RPS6KC1: variants seen among roughly 807,000 people sequenced by gnomAD.
The protein encoded by RPS6KC1 is inactive ribosomal protein S6 kinase delta-1.
A neutral mutation model predicts 103.8 loss-of-function variants in RPS6KC1; 54 were observed. That is an observed-to-expected ratio of 0.52 (90% CI 0.42 to 0.65). The LOEUF (loss-of-function observed/expected upper bound fraction) is 0.65. Ranked by LOEUF, RPS6KC1 falls within the 30% of genes least tolerant of loss-of-function variation. The pLI, the probability that RPS6KC1 is intolerant of heterozygous loss-of-function variation, is 0.00. For synonymous variants in RPS6KC1, 439 were observed against 438.7 expected (o/e 1.00, Z -0.01); for missense variants, 1,151 against 1,253.8 (o/e 0.92, Z 1.24).
chr1:213,823,039 GC>G, the RPS6KC1 span, among the ~76,000 whole-genome samples: 5 of 152,030 alleles, frequency 3.3e-5, no homozygotes, highest in African/African-American at 9.7e-5. Context: ...TATTTCCCAG[GC>G]CCTGCCCGTG....
intron 8 of RPS6KC1, among the ~76,000 whole-genome samples, chr1:213,213,354 C>T (rs529599569): frequency 1.4e-4 from 22 of 152,226 alleles, no homozygotes; most frequent in Non-Finnish European, 2.6e-4. Flanking sequence ...CTGTCAAAAG[C>T]GAGTTGAGTA....
chr1:213,060,165 A>G (rs116795583), intron 1 of RPS6KC1, among the ~76,000 whole-genome samples: 3,365 of 152,346 alleles, frequency 0.022, 120 homozygotes, highest in African/African-American at 0.077. Context: ...TTGAAGTAAT[A>G]TGTAGTCATA....
At chr1:213,806,963 A>C in the RPS6KC1 span, among the ~76,000 whole-genome samples, 1 of 151,438 alleles carries the variant, frequency 6.6e-6, no homozygotes, top group Non-Finnish European at 1.5e-5. Context: ...GAGCTCTTTT[A>C]GGGCAGGCCT....
intron 13 of RPS6KC1, 106 bp from the exon 14 acceptor site, chr1:213,262,615 G>T (rs759990735): frequency 4.1e-5 from 32 of 773,794 alleles, no homozygotes; most frequent in Non-Finnish European, 6.0e-5. Context: ...TACACTTCCA[G>T]TTAAAATGGT....
the RPS6KC1 span, among the ~76,000 whole-genome samples, chr1:213,800,991 C>A: frequency 6.6e-6 from 1 of 152,210 alleles, no homozygotes; most frequent in Non-Finnish European, 1.5e-5. Context: ...TTGGCTTTCA[C>A]TGCATGCTGC....
At chr1:213,491,984 A>G in the RPS6KC1 span, among the ~76,000 whole-genome samples, 5 of 152,138 alleles carry the variant, frequency 3.3e-5, no homozygotes, top group Non-Finnish European at 7.3e-5. Flanking sequence ...CCAGCCTGCC[A>G]CCGCTGAACT....
intron 8 of RPS6KC1, among the ~76,000 whole-genome samples, chr1:213,180,345 G>C (rs74351461): frequency 0.011 from 1,723 of 152,324 alleles, 24 homozygotes; most frequent in African/African-American, 0.039. Flanking sequence ...AGTTAGGGAA[G>C]AGACTTGCAT....
Position 213,094,505 on chromosome 1 carries a change from A to T in RPS6KC1, c.263-9949A>T, listed in dbSNP as rs376966893. 2.3e-4 allele frequency among the ~76,000 whole-genome samples: 35 copies of T among 152,110 alleles called. No homozygotes were observed. The East Asian group carries it at 4.6e-3, about 20-fold the overall frequency. ...ACATTTTTAAAGAACGTAGAACAGT[A>T]GTTTTGCCAGTTTCACAAGCTATAT... On this transcript the variant is annotated intron_variant, in intron 3 of 14. Transcript: ENST00000366960.
chr1:213,564,378 G>A, the RPS6KC1 span, among the ~76,000 whole-genome samples: 4 of 152,154 alleles, frequency 2.6e-5, no homozygotes, highest in Non-Finnish European at 4.4e-5. Flanking sequence ...CTTGACAGAT[G>A]GCTTAGTGTT....
chr1:213,842,186 C>T, the RPS6KC1 span: 1 of 152,498 alleles, frequency 6.6e-6, no homozygotes, highest in African/African-American at 2.4e-5. Context: ...GTGTATCACA[C>T]TCTGCCTTGT....
At position 213,167,439 on chromosome 1, in the gene RPS6KC1, AACACACACACACACACACACACACAC is replaced by A. The variant is rs199762137; in HGVS notation, c.836-393_836-368del. ...TTTTTAGAAAAAAACCAAGGTTGAA[AACACACACACACACACACACACACAC>A]ACACACACACACACACACACACACA... On this transcript the variant is annotated intron_variant, in intron 6 of 14. Transcript: ENST00000366960. Among the ~76,000 whole-genome samples, 8 of 75,990 alleles carry A rather than the reference AACACACACACACACACACACACACAC, an allele frequency of 1.1e-4. No homozygotes were observed. The East Asian group carries it at 1.4e-3, about 13-fold the overall frequency. The allele number at this position is 75,990 out of a possible 152,430, so 49.9% of individuals were successfully genotyped here.
intron 7 of RPS6KC1, among the ~76,000 whole-genome samples, chr1:213,173,775 T>C (rs2091658230): frequency 6.6e-6 from 1 of 152,266 alleles, no homozygotes; most frequent in Admixed American, 6.5e-5. Context: ...CTTCTTGAGG[T>C]TAGACTGAGC....
the RPS6KC1 span, among the ~76,000 whole-genome samples, chr1:213,600,265 C>T: frequency 0.012 from 1,826 of 152,182 alleles, 30 homozygotes; most frequent in African/African-American, 0.032. Context: ...AATCTGAAAA[C>T]GGACGAATAC....
At chr1:213,341,405 A>T in the RPS6KC1 span, among the ~76,000 whole-genome samples, 2 of 152,212 alleles carry the variant, frequency 1.3e-5, no homozygotes, top group Non-Finnish European at 2.9e-5. Flanking sequence ...GGCAACAGGT[A>T]GTTAATGAAA....
the RPS6KC1 span, among the ~76,000 whole-genome samples, chr1:213,411,828 A>G: frequency 6.6e-6 from 1 of 152,142 alleles, no homozygotes; most frequent in Non-Finnish European, 1.5e-5. Context: ...TGCTTCAGAG[A>G]AGCCAGGGAC....
chr1:213,629,918 C>T, the RPS6KC1 span, among the ~76,000 whole-genome samples: 4 of 152,194 alleles, frequency 2.6e-5, no homozygotes, highest in East Asian at 1.9e-4. Context: ...GGCCTCCACT[C>T]TCTTGTGGCT....
At chr1:213,785,375 G>A in the RPS6KC1 span, among the ~76,000 whole-genome samples, 1 of 151,872 alleles carries the variant, frequency 6.6e-6, no homozygotes, top group East Asian at 1.9e-4. Context: ...GATGTCCGTG[G>A]ATCTGTTCTT....
At chr1:213,724,232 C>CA in the RPS6KC1 span, among the ~76,000 whole-genome samples, 13 of 152,170 alleles carry the variant, frequency 8.5e-5, no homozygotes, top group Non-Finnish European at 1.9e-4. Flanking sequence ...GGATTATAGG[C>CA]ATGTGCCACT....
At chr1:213,662,446 T>TG in the RPS6KC1 span, among the ~76,000 whole-genome samples, 208 of 150,268 alleles carry the variant, frequency 1.4e-3, 3 homozygotes, top group East Asian at 0.035. Context: ...TTTTTTTTTT[T>TG]TTGTATTTTT....
Sources: gnomAD v4.1 joint callset for allele counts (sites outside exome capture counted in the v4.1 genomes callset) on GRCh38, gnomAD v4.1.1 for gene constraint, MANE v1.5 for transcripts, NCBI Gene and HGNC (gene_info 2026-07-23, HGNC 2026-07-21) for gene names.